RYR2: variants seen among roughly 807,000 people sequenced by gnomAD.
RYR2 encodes the protein ryanodine receptor 2, also known as cardiac muscle ryanodine receptor-calcium release channel.
RYR2 carries 227 observed loss-of-function variants against 601.1 expected under a neutral mutation model. That is an observed-to-expected ratio of 0.38 (90% confidence interval 0.34 to 0.42). The LOEUF (loss-of-function observed/expected upper bound fraction) is 0.42. Ranked by LOEUF, RYR2 falls within the 10% of genes least tolerant of loss-of-function variation. RYR2 has a pLI of 1.00. For missense variants in RYR2, 4,646 were observed against 6,156.5 expected (o/e 0.75, Z 8.21); for synonymous variants, 2,223 against 2,175.1 (o/e 1.02, Z -0.61).
chr1:237,571,519 T>C (rs1428674850), intron 29 of RYR2, among the ~76,000 whole-genome samples: 2 of 152,112 alleles, frequency 1.3e-5, no homozygotes, highest in African/African-American at 4.8e-5. Context: ...TTTATCATGT[T>C]GGTGAGGCTG....
At chr1:237,551,808 A>G (rs542288527) in intron 27 of RYR2, among the ~76,000 whole-genome samples, 19 of 152,298 alleles carry the variant, frequency 1.2e-4, no homozygotes, top group African/African-American at 4.1e-4. Context: ...AAGTGTTTCT[A>G]AGACTTTTAC....
chr1:237,631,668 G>T (rs181625580), intron 42 of RYR2, 127 bp downstream of exon 42: 24 of 449,326 alleles, frequency 5.3e-5, no homozygotes, highest in Admixed American at 2.9e-4. Context: ...TCACTCTGTC[G>T]CCCAGGCTGG....
In RYR2 at chr1:237,791,439, C is replaced by T. The variant is rs1245009112; in HGVS notation, c.13487C>T (p.Ala4496Val). Residue 4496 changes from alanine (A) to valine (V), a missense_variant, in exon 93 of 105, where the codon GCT becomes GTT. Transcript: ENST00000366574. ...AYQQKLLNYF[A>V]RNFYNMRMLA... Reference sequence around the variant, plus strand: ...GTTTTTCACCCTCAGAACTATTTTGCTCGCAACTTTTACAACATGAGAATG... The same window carrying T: ...GTTTTTCACCCTCAGAACTATTTTGTTCGCAACTTTTACAACATGAGAATG... 6.4e-7 allele frequency: 1 copy of T among 1,567,140 alleles called. No homozygotes were observed. The highest frequency in any genetic ancestry group is 8.7e-7 in the Non-Finnish European group (1 of 1,149,328).
intron 55 of RYR2, among the ~76,000 whole-genome samples, chr1:237,660,519 T>C (rs1463239359): frequency 1.3e-5 from 2 of 152,146 alleles, no homozygotes; most frequent in Non-Finnish European, 2.9e-5. Flanking sequence ...GTATATTACA[T>C]AAGCTGTCCC....
At chr1:237,256,815 T>C (rs1204873988) in intron 1 of RYR2, among the ~76,000 whole-genome samples, 2 of 152,206 alleles carry the variant, frequency 1.3e-5, no homozygotes, top group Non-Finnish European at 2.9e-5. Context: ...TGTGCTGATC[T>C]CCCTCTTCCA....
chr1:237,237,360 T>C lies in RYR2; in HGVS notation c.49-33137T>C, dbSNP rs1226859859. Among the ~76,000 whole-genome samples, 4 of 152,184 alleles carry C rather than the reference T, an allele frequency of 2.6e-5. 1 individual carries two copies. Among genetic ancestry groups the C allele is most frequent in the Admixed American group, 2.6e-4 (4 of 15,282 alleles). The stretch of plus-strand genomic sequence containing the variant: ...GAAATTATTGATGAATATAAATGAA[T>C]AATAAAATTCTAAGCCTCCAACTGA... On this transcript the variant is annotated intron_variant, in intron 1 of 104. Coordinates refer to ENST00000366574, the MANE Select transcript of RYR2 (RefSeq NM_001035.3).
At chr1:237,075,300 G>C (rs534272742) in intron 1 of RYR2, among the ~76,000 whole-genome samples, 10 of 151,942 alleles carry the variant, frequency 6.6e-5, no homozygotes, top group Non-Finnish European at 1.3e-4. Context: ...GAACAGCTCC[G>C]GTCTACAGCT....
chr1:237,105,844 A>G (rs1668611258), intron 1 of RYR2, among the ~76,000 whole-genome samples: 1 of 151,918 alleles, frequency 6.6e-6, no homozygotes, highest in Non-Finnish European at 1.5e-5. Flanking sequence ...CAAAAAAAAA[A>G]AAAAAAAAAA....
At chr1:237,163,996 A>G (rs1024830808) in intron 1 of RYR2, among the ~76,000 whole-genome samples, 6 of 152,176 alleles carry the variant, frequency 3.9e-5, no homozygotes, top group African/African-American at 1.2e-4. Flanking sequence ...GCTCATATGT[A>G]ACTGAAGGCT....
intron 1 of RYR2, among the ~76,000 whole-genome samples, chr1:237,168,463 T>C (rs1197358325): frequency 6.6e-6 from 1 of 152,166 alleles, no homozygotes; most frequent in Non-Finnish European, 1.5e-5. Flanking sequence ...TCATTGAAGG[T>C]GGAGTCTTCT....
intron 1 of RYR2, among the ~76,000 whole-genome samples, chr1:237,042,802 C>A (rs965203660): frequency 1.2e-4 from 18 of 151,980 alleles, no homozygotes; most frequent in African/African-American, 3.9e-4. Flanking sequence ...GAGGATGGAG[C>A]GCGGCTAGCC....
rs2148253003 is a variant in RYR2, at chr1:237,566,722, C to T, written c.3370C>T (p.Pro1124Ser). The T allele has an allele frequency of 6.2e-7, 1 of 1,613,986 alleles. No homozygotes were observed. Among genetic ancestry groups the T allele is most frequent in the South Asian group, 1.1e-5 (1 of 91,090 alleles). Residue 1124 changes from proline (P) to serine (S), a missense_variant, in exon 28 of 105, where the codon CCG (proline) becomes TCG (serine). Physicochemically the swap from Pro to Ser is moderately conservative, Grantham distance 74 (BLOSUM62 -1). Coordinates refer to ENST00000366574, the MANE Select transcript of RYR2 (RefSeq NM_001035.3). ...TGGTTGGAGTCGTCCTGGTTGTCAA[C>T]CGGATCAGGAGCTTGGCTCAGATGA... ...RVGWSRPGCQ[P>S]DQELGSDERA...
At chr1:237,440,743 C>T (rs1428577506) in intron 12 of RYR2, among the ~76,000 whole-genome samples, 1 of 151,994 alleles carries the variant, frequency 6.6e-6, no homozygotes, top group East Asian at 1.9e-4. Context: ...TCGTTGTCAC[C>T]GTTATTATTG....
At chr1:237,593,682 A>G (rs1250195604) in intron 33 of RYR2, 46 bp downstream of exon 33, 2 of 1,584,600 alleles carry the variant, frequency 1.3e-6, no homozygotes, top group South Asian at 1.1e-5. Context: ...TGAAAAAAAT[A>G]TTGGTGAACC....
At chr1:237,793,389 G>A (rs1266413309) in intron 94 of RYR2, among the ~76,000 whole-genome samples, 1 of 152,172 alleles carries the variant, frequency 6.6e-6, no homozygotes, top group Non-Finnish European at 1.5e-5. Context: ...GATTTTTGCT[G>A]ATGTCGAAAT....
At chr1:237,209,497 A>ATGTATGTGTGTGTGTGTGTG (rs1682321809) in intron 1 of RYR2, among the ~76,000 whole-genome samples, 2 of 143,304 alleles carry the variant, frequency 1.4e-5, no homozygotes, top group African/African-American at 2.5e-5. Flanking sequence ...ATCTGCATAT[A>ATGTATGTGTGTGTGTGTGTG]TGTGTGTGTG....
intron 2 of RYR2, among the ~76,000 whole-genome samples, chr1:237,302,522 T>C (rs1408547260): frequency 6.6e-6 from 1 of 152,172 alleles, no homozygotes; most frequent in African/African-American, 2.4e-5. Flanking sequence ...GTTAGTTGTA[T>C]TGGTAAACTG....
At chr1:237,765,229 C>T (rs552131788) in intron 84 of RYR2, among the ~76,000 whole-genome samples, 1 of 151,996 alleles carries the variant, frequency 6.6e-6, no homozygotes, top group Non-Finnish European at 1.5e-5. Flanking sequence ...TTATCAGAAC[C>T]ATTAACCCCA....
intron 1 of RYR2, among the ~76,000 whole-genome samples, chr1:237,049,900 T>C (rs567773883): frequency 2.6e-5 from 4 of 152,288 alleles, no homozygotes; most frequent in South Asian, 2.1e-4. Flanking sequence ...CTGGCTTCCA[T>C]AGTTACCTTC....
Sources: gnomAD v4.1 joint callset for allele counts (sites outside exome capture counted in the v4.1 genomes callset) on GRCh38, gnomAD v4.1.1 for gene constraint, MANE v1.5 for transcripts, NCBI Gene and HGNC (gene_info 2026-07-23, HGNC 2026-07-21) for gene names.